The following FBP2 variants were observed in gnomAD, a reference collection of about 807,000 sequenced individuals.
FBP2 encodes the protein fructose-bisphosphatase 2, also known as fructose-1,6-bisphosphatase isozyme 2.
FBP2 carries 27 observed loss-of-function variants against 31.6 expected under a neutral mutation model. The ratio of observed to expected loss-of-function variants is 0.85; its 90% CI spans 0.63 to 1.18. The LOEUF is 1.18. Among genes scored for constraint, FBP2 ranks in the 50% most tolerant of loss-of-function variants. The pLI, the probability that FBP2 is intolerant of heterozygous loss-of-function variation, is 0.00. For synonymous variants in FBP2, 168 were observed against 179.8 expected (o/e 0.93, Z 0.53); for missense variants, 421 against 436.1 (o/e 0.97, Z 0.31).
intron 5 of FBP2, among the ~76,000 whole-genome samples, chr9:94,566,445 C>T (rs1298664641): frequency 1.3e-5 from 2 of 152,276 alleles, no homozygotes; most frequent in Non-Finnish European, 2.9e-5. Flanking sequence ...ACCAGCCCAA[C>T]CTATTCCTTT....
intron 2 of FBP2, among the ~76,000 whole-genome samples, chr9:94,587,089 T>C (rs1827435316): frequency 6.6e-6 from 1 of 152,252 alleles, no homozygotes; most frequent in African/African-American, 2.4e-5. Flanking sequence ...TGCATCACTC[T>C]GAACAATTTC....
At chr9:94,571,685 C>T in intron 3 of FBP2, 83 bp from the exon 4 acceptor site, 4 of 1,250,546 alleles carry the variant, frequency 3.2e-6, no homozygotes, top group Non-Finnish European at 4.4e-6. Flanking sequence ...TTCAGATCTC[C>T]TCGAATCACT....
At chr9:94,560,759 T>A (rs1298321185) in intron 6 of FBP2, among the ~76,000 whole-genome samples, 1 of 148,184 alleles carries the variant, frequency 6.7e-6, no homozygotes, top group Non-Finnish European at 1.5e-5. Context: ...TATATATTTA[T>A]ATAATGTTAT....
chr9:94,588,318 G>A (rs1827451426), intron 1 of FBP2, among the ~76,000 whole-genome samples: 1 of 152,096 alleles, frequency 6.6e-6, no homozygotes, highest in Non-Finnish European at 1.5e-5. Context: ...ATAAGAGAGT[G>A]CTACTACGAG....
chr9:94,592,836 G>A (rs951206055), intron 1 of FBP2, among the ~76,000 whole-genome samples: 1 of 152,086 alleles, frequency 6.6e-6, no homozygotes, highest in Non-Finnish European at 1.5e-5. Context: ...CCTGGCCACC[G>A]GATTCTTTTT....
intron 4 of FBP2, among the ~76,000 whole-genome samples, chr9:94,571,121 A>G (rs2131450495): frequency 6.6e-6 from 1 of 152,322 alleles, no homozygotes; most frequent in Middle Eastern, 3.4e-3. Context: ...TAACGAACCC[A>G]TGCTTCTGCT....
In FBP2 at chr9:94,593,654, C is replaced by T. The variant is rs375620140; in HGVS notation, c.73G>A (p.Ala25Thr). 2 of 1,614,212 alleles carry T rather than the reference C, an allele frequency of 1.2e-6. No individual in the cohort carries two copies. Among genetic ancestry groups the T allele is most frequent in the African/African-American group, 2.7e-5 (2 of 75,052 alleles). ...TRYVMEKGRQ[A>T]KGTGELTQLL... is the part of the protein sequence containing the mutation. ...TGGGTGAGCTCCCCAGTCCCTTTGGCCTGACGCCCCTTTTCCATAACGTAG... is the reference window on the plus strand; with the variant it reads ...TGGGTGAGCTCCCCAGTCCCTTTGGTCTGACGCCCCTTTTCCATAACGTAG... The change falls in exon 1 of 7, where the codon GCC (alanine) becomes ACC (threonine). Residue 25 changes from alanine (A) to threonine (T), a missense_variant. By Grantham distance (58) the Ala-to-Thr change is moderately conservative. Coordinates refer to ENST00000375337, the MANE Select transcript of FBP2 (RefSeq NM_003837.4).
chr9:94,572,531 C>T (rs186662042), intron 3 of FBP2, among the ~76,000 whole-genome samples: 22 of 152,324 alleles, frequency 1.4e-4, no homozygotes, highest in Admixed American at 1.3e-3. Context: ...ACGCCATGAG[C>T]ACTCAGAGCT....
At chr9:94,585,535 T>C (rs1387576310) in intron 2 of FBP2, among the ~76,000 whole-genome samples, 2 of 140,712 alleles carry the variant, frequency 1.4e-5, no homozygotes, top group Non-Finnish European at 3.1e-5. Context: ...TGGAGAGCCA[T>C]GAGGGGGGGT....
chr9:94,584,999 T>A (rs1827411648), intron 2 of FBP2, among the ~76,000 whole-genome samples: 1 of 152,156 alleles, frequency 6.6e-6, no homozygotes, highest in Admixed American at 6.5e-5. Context: ...GTCCTTTTTA[T>A]AGCCCCCTGT....
In FBP2 at chr9:94,593,745, A is replaced by C; in HGVS notation, c.-19T>G. The C allele has an allele frequency of 1.2e-6, 2 of 1,613,058 alleles. No homozygotes were observed. Among genetic ancestry groups the C allele is most frequent in the South Asian group, 1.1e-5 (1 of 90,916 alleles). ...CCGTCATTTTGGCTGGAATGCTTCA[A>C]ATCCTTTTCTCCCGGCAGGAAACCT... On this transcript the variant is annotated 5_prime_UTR_variant, in exon 1 of 7. It adds an upstream start codon to the 5' untranslated region. Transcript: ENST00000375337.
chr9:94,578,367 A>G (rs1288515224), intron 3 of FBP2, among the ~76,000 whole-genome samples: 1 of 152,238 alleles, frequency 6.6e-6, no homozygotes, highest in Non-Finnish European at 1.5e-5. Context: ...ACTTTAAATA[A>G]TGACTAACTT....
intron 1 of FBP2, among the ~76,000 whole-genome samples, chr9:94,590,528 G>A (rs977886263): frequency 3.9e-5 from 6 of 152,124 alleles, no homozygotes; most frequent in African/African-American, 1.2e-4. Flanking sequence ...GGACCCTCGC[G>A]GTGAGTGTTA....
Position 94,558,874 on chromosome 9 carries a change from G to T in FBP2, c.*64C>A. ...CTCATAGCTACCATCTCTGTTTATC[G>T]TTCATTTAGGGTCCTTAGACAAGGT... is the stretch of plus-strand genomic sequence containing the variant. On this transcript the variant is annotated 3_prime_UTR_variant, in exon 7 of 7. Transcript: ENST00000375337. The T allele has an allele frequency of 6.8e-7, 1 of 1,460,152 alleles. No individual in the cohort carries two copies. The highest frequency in any genetic ancestry group is 1.2e-5 in the South Asian group (1 of 86,850). The allele number at this position is 1,460,152 out of a possible 1,614,324, so 90.4% of individuals were successfully genotyped here.
At chr9:94,573,473 G>A (rs879712428) in intron 3 of FBP2, among the ~76,000 whole-genome samples, 3 of 152,056 alleles carry the variant, frequency 2.0e-5, no homozygotes, top group Admixed American at 6.5e-5. Context: ...TGCCCAGGCT[G>A]GTCTCAAACT....
rs182263946 is a variant in FBP2, at chr9:94,578,728, T to C, written c.426+5849A>G. Among the ~76,000 whole-genome samples the C allele has an allele frequency of 2.0e-3, 305 of 152,228 alleles. 1 individual carries two copies. The highest frequency in any genetic ancestry group is 7.1e-3 in the African/African-American group (294 of 41,564). On this transcript the variant is annotated intron_variant, in intron 3 of 6. Transcript: ENST00000375337. ...GTAGAAATAAAAATTCTAATGACTA[T>C]ATAATTCTATGAATTGTATTCGTAT...
chr9:94,562,309 CAAAAAAAA>C (rs397893359), intron 6 of FBP2, among the ~76,000 whole-genome samples: 2 of 72,106 alleles, frequency 2.8e-5, no homozygotes, highest in East Asian at 4.4e-4. Context: ...GACTCCATCT[CAAAAAAAA>C]AAAAAAAAAA....
intron 2 of FBP2, 148 bp from the exon 3 acceptor site, chr9:94,584,817 C>T (rs1271006837): frequency 1.9e-5 from 12 of 632,526 alleles, no homozygotes; most frequent in African/African-American, 3.6e-5. Context: ...CCATGACTTA[C>T]GGAGGGCAGG....
At position 94,558,976 on chromosome 9, in the gene FBP2, A is replaced by G. The variant is rs780523217; in HGVS notation, c.982T>C (p.Tyr328His). 1.2e-5 allele frequency: 19 copies of G among 1,614,050 alleles called. No individual in the cohort carries two copies. Among genetic ancestry groups the G allele is most frequent in the Non-Finnish European group, 1.4e-5 (17 of 1,180,020 alleles). ...TGATTTTTCTGCACACAGGTGAGAT[A>G]TTCCTGCACATCCTCTGGTGACCCC... ...ILGSPEDVQE[Y>H]LTCVQKNQAG... Residue 328 changes from tyrosine to histidine, a missense_variant, in exon 7 of 7, where the codon TAT (tyrosine) becomes CAT (histidine). By Grantham distance (83) the Tyr-to-His change is moderately conservative. Coordinates refer to ENST00000375337, the MANE Select transcript of FBP2 (RefSeq NM_003837.4).
Sources: gnomAD v4.1 joint callset for allele counts (sites outside exome capture counted in the v4.1 genomes callset) on GRCh38, gnomAD v4.1.1 for gene constraint, MANE v1.5 for transcripts, NCBI Gene and HGNC (gene_info 2026-07-23, HGNC 2026-07-21) for gene names.